The following MAP6 variants were observed in gnomAD, a reference collection of about 807,000 sequenced individuals.
MAP6 encodes the protein microtubule-associated protein 6.
A neutral mutation model predicts 42.4 loss-of-function variants in MAP6; 26 were observed. The observed-to-expected ratio is 0.61, with a 90% confidence interval of 0.45 to 0.85. The LOEUF (loss-of-function observed/expected upper bound fraction) is 0.85, where lower values mean the gene tolerates loss of function less well. MAP6 is among the 40% of genes least tolerant of loss of function. MAP6 has a pLI of 0.00. For missense variants in MAP6, 966 were observed against 1,099.0 expected (o/e 0.88, Z 1.71); for synonymous variants, 418 against 443.8 (o/e 0.94, Z 0.73).
intron 1 of MAP6, among the ~76,000 whole-genome samples, chr11:75,614,658 G>A (rs1275307571): frequency 6.6e-6 from 1 of 152,222 alleles, no homozygotes; most frequent in Non-Finnish European, 1.5e-5. Flanking sequence ...GAGACCCTGA[G>A]CTCGAACCAT....
intron 1 of MAP6, among the ~76,000 whole-genome samples, chr11:75,658,351 C>T (rs1194663322): frequency 6.6e-6 from 1 of 152,066 alleles, no homozygotes; most frequent in African/African-American, 2.4e-5. Flanking sequence ...CCAAACTCAA[C>T]TTACCCAAAA....
At chr11:75,593,002 C>T (rs1942508007) in intron 3 of MAP6, among the ~76,000 whole-genome samples, 2 of 152,268 alleles carry the variant, frequency 1.3e-5, no homozygotes. Context: ...GCTGTCATCT[C>T]TCAGCTCACT....
chr11:75,668,495 C>T lies in MAP6; in HGVS notation c.-126G>A. 12 of 1,352,612 alleles carry T rather than the reference C, an allele frequency of 8.9e-6. No individual in the cohort carries two copies. Among genetic ancestry groups the T allele is most frequent in the Non-Finnish European group, 1.1e-5 (12 of 1,044,094 alleles). 83.8% of individuals were successfully genotyped at this position (1,352,612 alleles called of 1,614,324 possible). ...CCCACCGTTTTCTACCCCCGATCAG[C>T]CGGAGCTAGTTCGCCCTCCTCCCTC... On this transcript the variant is annotated 5_prime_UTR_variant, in exon 1 of 4. Coordinates refer to ENST00000304771, the MANE Select transcript of MAP6 (RefSeq NM_033063.2).
At chr11:75,605,774 G>C (rs1942753915) in intron 3 of MAP6, 34 bp downstream of exon 3, 1 of 1,605,278 alleles carries the variant, frequency 6.2e-7, no homozygotes, top group African/African-American at 1.3e-5. Flanking sequence ...GGGAGAGAGA[G>C]AGAAGAGTAA....
At chr11:75,617,175 A>G (rs1943009749) in intron 1 of MAP6, among the ~76,000 whole-genome samples, 1 of 152,208 alleles carries the variant, frequency 6.6e-6, no homozygotes, top group Non-Finnish European at 1.5e-5. Context: ...GAAAGTCCAC[A>G]GGCACAATGT....
chr11:75,662,366 G>A, intron 1 of MAP6, among the ~76,000 whole-genome samples: 1 of 152,308 alleles, frequency 6.6e-6, no homozygotes, highest in African/African-American at 2.4e-5. Context: ...GTATATATGT[G>A]TATGTGATTT....
intron 2 of MAP6, chr11:75,607,510 C>T: frequency 5.1e-6 from 5 of 985,460 alleles, no homozygotes; most frequent in Non-Finnish European, 4.8e-6. Flanking sequence ...CTTGAGTCCA[C>T]TTTCACAAAC....
chr11:75,668,236 T>C lies in MAP6; in HGVS notation c.134A>G (p.Gln45Arg). 2.8e-6 allele frequency: 4 copies of C among 1,414,558 alleles called. No individual in the cohort carries two copies. Among genetic ancestry groups the C allele is most frequent in the Non-Finnish European group, 3.7e-6 (4 of 1,085,594 alleles). The allele number at this position is 1,414,558 out of a possible 1,614,324, so 87.6% of individuals were successfully genotyped here. The change falls in exon 1 of 4, where the codon CAG becomes CGG. Residue 45 changes from glutamine to arginine, a missense_variant. By Grantham distance (43) the Gln-to-Arg change is conservative (BLOSUM62 1). Around this residue, in one of 2 missense-constraint regions of MAP6, gnomAD observed 943 missense variants for 1,049.9 expected, o/e 0.90. Transcript: ENST00000304771. ...EATEHPGAPP[Q>R]PPPPQQQAQP... The stretch of plus-strand genomic sequence containing the variant: ...CGCCTGCTGCTGCGGCGGCGGTGGC[T>C]GCGGCGGGGCGCCCGGGTGCTCGGT...
At chr11:75,626,947 C>T (rs1278672099) in intron 1 of MAP6, among the ~76,000 whole-genome samples, 1 of 152,100 alleles carries the variant, frequency 6.6e-6, no homozygotes, top group Non-Finnish European at 1.5e-5. Flanking sequence ...CAGAGTGGGC[C>T]CTGTAACCAC....
At chr11:75,664,807 A>G (rs560643199) in intron 1 of MAP6, among the ~76,000 whole-genome samples, 1 of 152,334 alleles carries the variant, frequency 6.6e-6, no homozygotes, top group South Asian at 2.1e-4. Flanking sequence ...CAGTGTATTT[A>G]ATGTATTGAA....
intron 1 of MAP6, among the ~76,000 whole-genome samples, chr11:75,630,450 A>G (rs1456006222): frequency 3.3e-5 from 5 of 152,200 alleles, no homozygotes; most frequent in Non-Finnish European, 7.3e-5. Flanking sequence ...ATTGAAATGA[A>G]TCTGTTTCTA....
chr11:75,606,101 G>A, intron 2 of MAP6, 97 bp from the exon 3 acceptor site: 1 of 1,441,380 alleles, frequency 6.9e-7, no homozygotes, highest in Non-Finnish European at 9.4e-7. Flanking sequence ...AGGAATGACG[G>A]TAATGACAGA....
chr11:75,667,589 G>C lies in MAP6; in HGVS notation c.781C>G (p.Leu261Val). The change falls in exon 1 of 4, where the codon CTG becomes GTG. Residue 261 changes from leucine to valine, a missense_variant. Leu to Val is a conservative substitution (Grantham distance 32). This residue lies in a region of MAP6 where 943 missense variants were observed against 1,049.9 expected (regional missense o/e 0.90). Coordinates refer to ENST00000304771, the MANE Select transcript of MAP6 (RefSeq NM_033063.2). The surrounding 1 kb of genome is among the most constrained non-coding windows in gnomAD (Gnocchi z 5.6). ...AEGLGHEQTP[L>V]PAAQAQVQAT... ...TGGACCTGGGCCTGGGCCGCGGGCA[G>C]CGGCGTCTGCTCGTGCCCCAGGCCC... is the stretch of plus-strand genomic sequence containing the variant. The C allele has an allele frequency of 6.5e-6, 9 of 1,390,264 alleles. No homozygotes were observed. The highest frequency in any genetic ancestry group is 7.4e-6 in the Non-Finnish European group (8 of 1,082,070). 86.1% of individuals were successfully genotyped at this position (1,390,264 alleles called of 1,614,324 possible).
At chr11:75,609,366 G>C (rs17134160) in intron 1 of MAP6, among the ~76,000 whole-genome samples, 1,920 of 152,288 alleles carry the variant, frequency 0.013, 43 homozygotes, top group African/African-American at 0.044. Context: ...AGGAGTTAGG[G>C]CATGAATATC....
At position 75,605,887 on chromosome 11, in the gene MAP6, C is replaced by T. The variant is rs561494383; in HGVS notation, c.1237G>A (p.Ala413Thr). The T allele has an allele frequency of 1.4e-5, 23 of 1,614,152 alleles. No homozygotes were observed. The highest frequency in any genetic ancestry group is 5.5e-5 in the South Asian group (5 of 91,082). Reference sequence around the variant, plus strand: ...GGCTTGGTGGTACTCGGGCCCTCCGCGCTCTTTTTCTTGGCAGCCTGGCCT... The same window carrying T: ...GGCTTGGTGGTACTCGGGCCCTCCGTGCTCTTTTTCTTGGCAGCCTGGCCT... The part of the protein sequence containing the change: ...VSGQAAKKKS[A>T]EGPSTTKPDD... Residue 413 changes from alanine (A) to threonine (T), a missense_variant, in exon 3 of 4, where the codon GCG becomes ACG. Ala to Thr is a moderately conservative substitution (Grantham distance 58, BLOSUM62 0). Coordinates refer to ENST00000304771, the MANE Select transcript of MAP6 (RefSeq NM_033063.2).
intron 1 of MAP6, among the ~76,000 whole-genome samples, chr11:75,614,458 G>C (rs1942960977): frequency 6.6e-6 from 1 of 152,176 alleles, no homozygotes; most frequent in African/African-American, 2.4e-5. Flanking sequence ...GCTTATTAAA[G>C]GCTTTGTAGC....
Position 75,605,801 on chromosome 11 carries a change from A to G in MAP6, c.1316+7T>C, listed in dbSNP as rs1195489406. ...GAAGAGTAAAAGGAAAGTGCAGGGA[A>G]ATTTACTCTTTCGCCTCAGCCAGTT... On this transcript the variant is annotated splice_region_variant and intron_variant, in intron 3 of 3. Coordinates refer to ENST00000304771, the MANE Select transcript of MAP6 (RefSeq NM_033063.2). 2 of 1,613,620 alleles carry G rather than the reference A, an allele frequency of 1.2e-6. No individual in the cohort carries two copies.
At chr11:75,652,025 C>T (rs1235715953) in intron 1 of MAP6, among the ~76,000 whole-genome samples, 1 of 152,092 alleles carries the variant, frequency 6.6e-6, no homozygotes, top group East Asian at 1.9e-4. Context: ...ACTTTGAACC[C>T]CAATTCAGCA....
chr11:75,638,932 A>G (rs528864777), intron 1 of MAP6, among the ~76,000 whole-genome samples: 1 of 152,350 alleles, frequency 6.6e-6, no homozygotes, highest in South Asian at 2.1e-4. Flanking sequence ...GGATAAAGAA[A>G]ATATGGTATA....
Sources: allele counts gnomAD v4.1 joint callset (sites outside exome capture counted in the v4.1 genomes callset), GRCh38; gene constraint gnomAD v4.1.1; regional missense constraint gnomAD v4.1.1; non-coding constraint Gnocchi (gnomAD v3.1); transcripts MANE v1.5; gene names NCBI Gene and HGNC (gene_info 2026-07-23, HGNC 2026-07-21).